Variants in ATP9A observed in about 807,000 individuals in gnomAD.
ATP9A encodes probable phospholipid-transporting ATPase IIA.
Under a neutral mutation model 144.1 loss-of-function variants are expected in ATP9A, and 52 were observed. That is an observed-to-expected ratio of 0.36 (90% CI 0.29 to 0.45). The LOEUF is 0.45. Among genes scored for constraint, ATP9A ranks in the 20% least tolerant of loss-of-function variants. The probability of loss-of-function intolerance (pLI) is 1.00; values close to 1 mark genes in which losing one functional copy is unlikely to be tolerated. For synonymous variants in ATP9A, 582 were observed against 557.4 expected, an observed-to-expected ratio of 1.04 and a Z score of -0.62; for missense variants, 947 against 1,392.7, an observed-to-expected ratio of 0.68 and a Z score of 5.09.
intron 4 of ATP9A, among the ~76,000 whole-genome samples, chr20:51,710,105 C>T (rs1026106192): frequency 3.9e-5 from 6 of 152,228 alleles, no homozygotes; most frequent in Non-Finnish European, 8.8e-5. Context: ...AGTTCAAGAC[C>T]AGCCTGGCCA....
Position 51,613,821 on chromosome 20 carries a change from C to G in ATP9A, c.2427G>C (p.Gln809His). Residue 809 changes from glutamine (Q) to histidine (H), a missense_variant, in exon 23 of 28, where the codon CAG becomes CAC. Gln to His is a conservative substitution (Grantham distance 24). Coordinates refer to ENST00000338821, the MANE Select transcript of ATP9A (RefSeq NM_006045.3). ...GVGVEGKEGK[Q>H]ASLAADFSIT... is the part of the protein sequence containing the mutation. ...TGGAGAAGTCTGCAGCCAACGAAGC[C>G]TGTTTTCCTTCCTAAAATCCAATAA... is the stretch of plus-strand genomic sequence containing the variant. 1 of 1,612,148 alleles carries G rather than the reference C, an allele frequency of 6.2e-7. No homozygotes were observed. The highest frequency in any genetic ancestry group is 1.1e-5 in the South Asian group (1 of 90,964).
chr20:51,746,215 A>G (rs1235214386), intron 1 of ATP9A, among the ~76,000 whole-genome samples: 1 of 152,140 alleles, frequency 6.6e-6, no homozygotes, highest in Non-Finnish European at 1.5e-5. Flanking sequence ...AGCAGAAAAG[A>G]TAACTGTTGG....
At chr20:51,619,071 G>A in intron 19 of ATP9A, 28 bp from the exon 20 acceptor site, 1 of 1,587,962 alleles carries the variant, frequency 6.3e-7, no homozygotes, top group African/African-American at 1.3e-5. Flanking sequence ...TGGGGAAGGA[G>A]GCATTGCTCT....
intron 3 of ATP9A, among the ~76,000 whole-genome samples, chr20:51,724,158 C>T (rs1193985355): frequency 1.3e-5 from 2 of 151,488 alleles, no homozygotes; most frequent in Admixed American, 1.3e-4. Context: ...GCAATAAGAG[C>T]GAAACTCCAT....
chr20:51,726,909 T>TA (rs2077716589), intron 2 of ATP9A, among the ~76,000 whole-genome samples: 1 of 109,700 alleles, frequency 9.1e-6, no homozygotes, highest in Non-Finnish European at 1.9e-5. Context: ...TTTTTTTTTT[T>TA]TTTTTTTGAG....
chr20:51,621,571 C>T (rs1283965567), intron 19 of ATP9A, among the ~76,000 whole-genome samples: 2 of 152,166 alleles, frequency 1.3e-5, no homozygotes, highest in East Asian at 1.9e-4. Context: ...GCCACAAGGG[C>T]GGGCGATTTC....
At chr20:51,751,234 A>AT (rs11480682) in intron 1 of ATP9A, among the ~76,000 whole-genome samples, 35,807 of 143,550 alleles carry the variant, frequency 0.25, 4,918 homozygotes, top group Non-Finnish European at 0.32. Flanking sequence ...AACTCTTGAG[A>AT]TTTTTTAACG....
At chr20:51,626,030 C>T (rs986635077) in intron 17 of ATP9A, among the ~76,000 whole-genome samples, 1 of 152,212 alleles carries the variant, frequency 6.6e-6, no homozygotes, top group African/African-American at 2.4e-5. Flanking sequence ...AAGCGTGTCC[C>T]GCCTCCCTCC....
intron 23 of ATP9A, 53 bp downstream of exon 23, chr20:51,613,624 C>T: frequency 6.5e-7 from 1 of 1,540,974 alleles, no homozygotes; most frequent in Non-Finnish European, 8.8e-7. Context: ...TGCCCACCCA[C>T]CTACATGGTA....
At chr20:51,734,832 G>T in intron 1 of ATP9A, 1 of 216,466 alleles carries the variant, frequency 4.6e-6, no homozygotes, top group South Asian at 7.9e-5. Context: ...CAAGACCCTT[G>T]TAAAGTCCAA....
chr20:51,637,128 CT>C (rs2077295552), intron 15 of ATP9A, among the ~76,000 whole-genome samples: 2 of 151,852 alleles, frequency 1.3e-5, no homozygotes. Flanking sequence ...TCCTGTCATT[CT>C]TCTTACTACT....
chr20:51,661,851 A>G (rs2077412177), intron 13 of ATP9A, among the ~76,000 whole-genome samples: 1 of 152,158 alleles, frequency 6.6e-6, no homozygotes, highest in South Asian at 2.1e-4. Flanking sequence ...TGACTAAGTA[A>G]ATCCAATGTT....
intron 24 of ATP9A, 60 bp from the exon 25 acceptor site, chr20:51,608,686 GC>G: frequency 9.3e-7 from 1 of 1,079,470 alleles, no homozygotes; most frequent in Non-Finnish European, 1.4e-6. Flanking sequence ...TATGTGCTGT[GC>G]CAGCCTCCGG....
At chr20:51,656,773 G>A (rs2077388443) in intron 14 of ATP9A, among the ~76,000 whole-genome samples, 165 bp downstream of exon 14, 1 of 152,134 alleles carries the variant, frequency 6.6e-6, no homozygotes, top group South Asian at 2.1e-4. Flanking sequence ...TCTTTTTAGA[G>A]GAAAGGCGTT....
intron 3 of ATP9A, among the ~76,000 whole-genome samples, chr20:51,721,281 A>C (rs1158668334): frequency 2.0e-5 from 3 of 152,206 alleles, no homozygotes; most frequent in African/African-American, 7.2e-5. Context: ...TGTTTCTTTA[A>C]GGAGAGCCTA....
At chr20:51,622,362 C>A (rs1275371211) in intron 18 of ATP9A, among the ~76,000 whole-genome samples, 190 bp from the exon 19 acceptor site, 2 of 152,212 alleles carry the variant, frequency 1.3e-5, no homozygotes, top group Non-Finnish European at 1.5e-5. Context: ...CAAGCAACCA[C>A]TGCTGGTAGC....
At position 51,646,018 on chromosome 20, in the gene ATP9A, C is replaced by A. The variant is rs189326188; in HGVS notation, c.1507-6514G>T. Among the ~76,000 whole-genome samples, 192 of 152,210 alleles carry A rather than the reference C, an allele frequency of 1.3e-3. 2 individuals are homozygous for A. The highest frequency in any genetic ancestry group is 4.5e-3 in the African/African-American group (186 of 41,544). On this transcript the variant is annotated intron_variant, in intron 14 of 27. Transcript: ENST00000338821. ...GATGAATGAACAGATACATTAGACG[C>A]GAGCTGGATAAAATGCTGGAAAGGT...
intron 4 of ATP9A, among the ~76,000 whole-genome samples, chr20:51,708,352 C>G (rs908089782): frequency 6.8e-6 from 1 of 146,644 alleles, no homozygotes; most frequent in Admixed American, 6.7e-5. Flanking sequence ...ATGTTGAAAA[C>G]TAAAACAAAG....
At chr20:51,746,882 C>T (rs2077810581) in intron 1 of ATP9A, among the ~76,000 whole-genome samples, 1 of 151,080 alleles carries the variant, frequency 6.6e-6, no homozygotes, top group Non-Finnish European at 1.5e-5. Flanking sequence ...GGCGCACGCC[C>T]GTAATCCCAG....
Sources: allele counts gnomAD v4.1 joint callset (sites outside exome capture counted in the v4.1 genomes callset), GRCh38; gene constraint gnomAD v4.1.1; transcripts MANE v1.5; gene names NCBI Gene and HGNC (gene_info 2026-07-23, HGNC 2026-07-21).